ADGRD1: variants seen among roughly 807,000 people sequenced by gnomAD.
The protein encoded by ADGRD1 is adhesion G protein-coupled receptor D1.
A neutral mutation model predicts 113.4 loss-of-function variants in ADGRD1; 77 were observed. The ratio of observed to expected loss-of-function variants is 0.68; its 90% CI spans 0.57 to 0.82. The LOEUF (loss-of-function observed/expected upper bound fraction) is 0.82. Among genes scored for constraint, ADGRD1 ranks in the 40% least tolerant of loss-of-function variants. The probability of loss-of-function intolerance (pLI) is 0.00; values close to 1 mark genes in which losing one functional copy is unlikely to be tolerated. For synonymous variants in ADGRD1, 474 were observed against 475.0 expected (o/e 1.00, Z 0.03); for missense variants, 1,036 against 1,139.1 (o/e 0.91, Z 1.30).
intron 13 of ADGRD1, among the ~76,000 whole-genome samples, chr12:131,065,789 C>G (rs951430554): frequency 6.7e-6 from 1 of 149,372 alleles, no homozygotes; most frequent in Non-Finnish European, 1.5e-5. Flanking sequence ...TTGCCTCTCT[C>G]TTCCCCACAT....
At chr12:130,959,609 GT>G (rs1344206468) in intron 2 of ADGRD1, among the ~76,000 whole-genome samples, 1 of 152,168 alleles carries the variant, frequency 6.6e-6, no homozygotes, top group African/African-American at 2.4e-5. Context: ...TCTGTGCACA[GT>G]CACTGAAGAT....
At chr12:131,024,638 A>G (rs542824644) in intron 13 of ADGRD1, 1 of 152,130 alleles carries the variant, frequency 6.6e-6, no homozygotes, top group Non-Finnish European at 1.5e-5. Flanking sequence ...GCAATAGGCT[A>G]CTCCATACAG....
At chr12:131,032,356 CGG>C (rs150623024) in intron 13 of ADGRD1, among the ~76,000 whole-genome samples, 5,124 of 152,350 alleles carry the variant, frequency 0.034, 270 homozygotes, top group African/African-American at 0.12. Flanking sequence ...AATCATCTCA[CGG>C]GTTCTGACGC....
chr12:131,093,921 G>A (rs1384447271), intron 15 of ADGRD1, among the ~76,000 whole-genome samples: 1 of 144,518 alleles, frequency 6.9e-6, no homozygotes, highest in East Asian at 2.1e-4. Context: ...AGTAAGCACA[G>A]CTCAGGCCCA....
chr12:130,975,816 C>T (rs1872237550), intron 4 of ADGRD1, among the ~76,000 whole-genome samples: 1 of 152,176 alleles, frequency 6.6e-6, no homozygotes. Context: ...TGTGTTATTT[C>T]TGATATTGGG....
At chr12:131,118,552 G>C (rs2137403139) in intron 19 of ADGRD1, 101 bp downstream of exon 19, 1 of 848,180 alleles carries the variant, frequency 1.2e-6, no homozygotes, top group South Asian at 1.7e-5. Flanking sequence ...CTGGGTGCAG[G>C]GGTGCTGTGC....
intron 13 of ADGRD1, among the ~76,000 whole-genome samples, chr12:131,033,652 C>T (rs564914566): frequency 3.9e-4 from 59 of 152,240 alleles, no homozygotes; most frequent in African/African-American, 1.1e-3. Flanking sequence ...GGACTGGAGC[C>T]GGCCCTGGAG....
At chr12:131,089,887 C>G (rs1460331913) in intron 15 of ADGRD1, among the ~76,000 whole-genome samples, 3 of 152,266 alleles carry the variant, frequency 2.0e-5, no homozygotes, top group Non-Finnish European at 2.9e-5. Context: ...CATCAGCTGC[C>G]TGGGAGCAGA....
rs1301891178 is a variant in ADGRD1, at chr12:130,954,691, C to G, written c.103+31C>G. 8.1e-6 allele frequency: 13 copies of G among 1,601,834 alleles called. No individual in the cohort carries two copies. The highest frequency in any genetic ancestry group is 3.3e-5 in the South Asian group (3 of 90,828). ...AGTGTTTCCTTCTCACTCTGAGCAC[C>G]GCTCTCCCCCTGCCTAGTGCAGGTA... On this transcript the variant is annotated intron_variant, in intron 2 of 24. Coordinates refer to ENST00000261654, the MANE Select transcript of ADGRD1 (RefSeq NM_198827.5). This position sits in a 1 kb window ranked among gnomAD's most constrained non-coding sequence, Gnocchi z 4.7.
intron 13 of ADGRD1, among the ~76,000 whole-genome samples, chr12:131,034,329 C>T (rs1004114535): frequency 2.6e-5 from 4 of 152,236 alleles, no homozygotes; most frequent in Admixed American, 2.0e-4. Context: ...TGCTCTTCCC[C>T]CGGGTCCCCG....
chr12:130,954,962 TCTTTCTTC>T lies in ADGRD1; in HGVS notation c.103+315_103+322del, dbSNP rs1436061639. On this transcript the variant is annotated intron_variant, in intron 2 of 24. Transcript: ENST00000261654. This position sits in a 1 kb window ranked among gnomAD's most constrained non-coding sequence, Gnocchi z 4.7. Reference sequence around the variant, plus strand: ...CTGCCTCTTTCTTTCTCTCTTTCTCTCTTTCTTCCTTTCTTCCTTTTTTTCTTTTTGAG... The same window carrying T: ...CTGCCTCTTTCTTTCTCTCTTTCTCTCTTTCTTCCTTTTTTTCTTTTTGAG... Among the ~76,000 whole-genome samples the T allele has an allele frequency of 6.6e-6, 1 of 151,556 alleles. No homozygotes were observed. Among genetic ancestry groups the T allele is most frequent in the Non-Finnish European group, 1.5e-5 (1 of 67,978 alleles).
intron 13 of ADGRD1, among the ~76,000 whole-genome samples, chr12:131,032,702 G>A (rs1421135946): frequency 1.5e-5 from 2 of 136,766 alleles, no homozygotes; most frequent in Non-Finnish European, 3.0e-5. Context: ...TAGAGAAATC[G>A]CCACCCCATC....
chr12:131,019,236 G>A (rs1385204568), intron 13 of ADGRD1, among the ~76,000 whole-genome samples: 1 of 152,188 alleles, frequency 6.6e-6, no homozygotes, highest in African/African-American at 2.4e-5. Flanking sequence ...GGCTCTAGGG[G>A]CACCCAGTGG....
intron 15 of ADGRD1, among the ~76,000 whole-genome samples, chr12:131,094,518 C>A (rs1190524902): frequency 6.6e-6 from 1 of 152,140 alleles, no homozygotes; most frequent in South Asian, 2.1e-4. Context: ...CCCCTCTAAT[C>A]CTGGAGGCAG....
At chr12:130,983,986 TG>T (rs1262437975) in intron 5 of ADGRD1, among the ~76,000 whole-genome samples, 1 of 152,172 alleles carries the variant, frequency 6.6e-6, no homozygotes, top group Non-Finnish European at 1.5e-5. Flanking sequence ...ACACAAATGC[TG>T]GTTGATGGAG....
chr12:131,020,157 T>G (rs1263754889), intron 13 of ADGRD1, among the ~76,000 whole-genome samples: 1 of 44,478 alleles, frequency 2.2e-5, no homozygotes. Context: ...GAGGGAGATA[T>G]TCCAGGGGCA....
intron 2 of ADGRD1, among the ~76,000 whole-genome samples, chr12:130,955,740 C>T (rs2136452433): frequency 6.6e-6 from 1 of 152,266 alleles, no homozygotes; most frequent in Non-Finnish European, 1.5e-5. Flanking sequence ...ATTGTATGGC[C>T]CTGCCTGTCT....
intron 13 of ADGRD1, among the ~76,000 whole-genome samples, chr12:131,068,125 G>A (rs1884868866): frequency 6.6e-6 from 1 of 152,172 alleles, no homozygotes; most frequent in Non-Finnish European, 1.5e-5. Context: ...CCACCAGATC[G>A]GTCACCATGG....
chr12:131,130,050 A>G (rs1034486854), intron 20 of ADGRD1, among the ~76,000 whole-genome samples: 2 of 152,240 alleles, frequency 1.3e-5, no homozygotes, highest in African/African-American at 2.4e-5. Context: ...CTGCATTTGA[A>G]AACCACTGAC....
Sources: allele counts gnomAD v4.1 joint callset (sites outside exome capture counted in the v4.1 genomes callset), GRCh38; gene constraint gnomAD v4.1.1; non-coding constraint Gnocchi (gnomAD v3.1); transcripts MANE v1.5; gene names NCBI Gene and HGNC (gene_info 2026-07-23, HGNC 2026-07-21).